The following CCSER1 variants were observed in gnomAD, a reference collection of about 807,000 sequenced individuals.
The protein encoded by CCSER1 is coiled-coil serine rich protein 1.
Under a neutral mutation model 82.0 loss-of-function variants are expected in CCSER1, and 41 were observed. The observed-to-expected ratio is 0.50, with a 90% CI of 0.39 to 0.65. The LOEUF (loss-of-function observed/expected upper bound fraction) is 0.65. Ranked by LOEUF, CCSER1 falls within the 30% of genes least tolerant of loss-of-function variation. The pLI, the probability that CCSER1 is intolerant of heterozygous loss-of-function variation, is 0.00. For synonymous variants in CCSER1, 414 were observed against 383.9 expected, an observed-to-expected ratio of 1.08 and a Z score of -0.92; for missense variants, 1,119 against 1,064.2, an observed-to-expected ratio of 1.05 and a Z score of -0.72.
chr4:90,893,027 A>G (rs922141535), intron 8 of CCSER1, among the ~76,000 whole-genome samples: 2 of 152,074 alleles, frequency 1.3e-5, no homozygotes, highest in Non-Finnish European at 2.9e-5. Context: ...GAGTACTACT[A>G]TTCTCAGGCA....
intron 9 of CCSER1, among the ~76,000 whole-genome samples, chr4:91,020,656 C>T (rs1422645190): frequency 2.0e-5 from 3 of 149,286 alleles, no homozygotes; most frequent in Non-Finnish European, 3.0e-5. Context: ...AGCGAGACTC[C>T]GTCTCAAAAA....
At chr4:90,274,034 A>G (rs928851397) in intron 1 of CCSER1, among the ~76,000 whole-genome samples, 1 of 152,234 alleles carries the variant, frequency 6.6e-6, no homozygotes, top group African/African-American at 2.4e-5. Flanking sequence ...AATTTTGCAT[A>G]TTTGAGTAAT....
intron 1 of CCSER1, among the ~76,000 whole-genome samples, chr4:90,241,972 T>A (rs1370625384): frequency 6.6e-6 from 1 of 152,096 alleles, no homozygotes. Flanking sequence ...AACCCTGAAT[T>A]TAAGATCTGT....
chr4:91,149,400 T>A (rs1019846331), intron 10 of CCSER1, among the ~76,000 whole-genome samples: 4 of 152,226 alleles, frequency 2.6e-5, no homozygotes, highest in African/African-American at 9.6e-5. Flanking sequence ...ATGGGTAGAT[T>A]GCAAAAATTT....
chr4:90,251,781 A>G (rs1722426990), intron 1 of CCSER1, among the ~76,000 whole-genome samples: 1 of 151,796 alleles, frequency 6.6e-6, no homozygotes, highest in Non-Finnish European at 1.5e-5. Context: ...ATCTGTTGGA[A>G]TGCAGTTGTT....
chr4:90,781,467 G>A (rs1753771214), intron 7 of CCSER1: 1 of 985,106 alleles, frequency 1.0e-6, no homozygotes, highest in Non-Finnish European at 1.2e-6. Context: ...TGAAATGATG[G>A]ACATAAAGCC....
At chr4:91,403,953 A>G (rs1484886586) in intron 10 of CCSER1, among the ~76,000 whole-genome samples, 2 of 152,146 alleles carry the variant, frequency 1.3e-5, no homozygotes, top group East Asian at 3.9e-4. Context: ...ACTCATTGGA[A>G]TAGTTTCAGA....
chr4:90,670,743 T>A (rs1204365949), intron 6 of CCSER1, among the ~76,000 whole-genome samples: 2 of 152,158 alleles, frequency 1.3e-5, no homozygotes, highest in African/African-American at 4.8e-5. Flanking sequence ...ATCATTAAAC[T>A]GTCACTGAGT....
chr4:91,406,137 T>TA (rs1431010968), intron 10 of CCSER1, among the ~76,000 whole-genome samples: 1 of 152,076 alleles, frequency 6.6e-6, no homozygotes, highest in African/African-American at 2.4e-5. Context: ...AATTGCATAA[T>TA]AAGAGTCAAG....
rs572791419 is a variant in CCSER1 at position 90,509,090 on chromosome 4, A to G, written c.1724+40736A>G. ...TCAGTCTCAGGTGGAAATCGCAATCATAGAAGAGTTTGGGAATTAATACGT... is the reference window on the plus strand; with the variant it reads ...TCAGTCTCAGGTGGAAATCGCAATCGTAGAAGAGTTTGGGAATTAATACGT... On this transcript the variant is annotated intron_variant, in intron 5 of 10. Coordinates refer to ENST00000509176, the MANE Select transcript of CCSER1 (RefSeq NM_001145065.2). Among the ~76,000 whole-genome samples the G allele has an allele frequency of 5.9e-5, 9 of 152,238 alleles. No individual in the cohort carries two copies. The South Asian group carries it at 8.3e-4, about 14-fold the overall frequency.
intron 10 of CCSER1, among the ~76,000 whole-genome samples, chr4:91,482,029 A>C (rs1198764034): frequency 1.3e-5 from 2 of 152,172 alleles, no homozygotes; most frequent in Non-Finnish European, 2.9e-5. Context: ...AATGCTCATC[A>C]TCACTGGCGA....
chr4:91,258,757 A>G (rs6844004), intron 10 of CCSER1, among the ~76,000 whole-genome samples: 33,198 of 152,008 alleles, frequency 0.22, 4,174 homozygotes, highest in East Asian at 0.34. Context: ...GCTTATTTTT[A>G]TAGACTTACT....
chr4:91,150,801 T>A (rs931911344), intron 10 of CCSER1, among the ~76,000 whole-genome samples: 1 of 152,232 alleles, frequency 6.6e-6, no homozygotes, highest in East Asian at 1.9e-4. Flanking sequence ...GAACCAGCCT[T>A]GCATCTCAGA....
chr4:91,403,315 T>G (rs1752467038), intron 10 of CCSER1, among the ~76,000 whole-genome samples: 1 of 152,200 alleles, frequency 6.6e-6, no homozygotes, highest in Non-Finnish European at 1.5e-5. Context: ...TGGGGTTTTC[T>G]AAATATACAA....
chr4:90,918,438 A>T (rs1418839960), intron 8 of CCSER1: 1 of 342,548 alleles, frequency 2.9e-6, no homozygotes, highest in Non-Finnish European at 5.7e-6. Flanking sequence ...GACATTAGAT[A>T]TCCCTAGTCA....
chr4:90,865,565 A>G (rs1765631748), intron 8 of CCSER1, among the ~76,000 whole-genome samples: 1 of 151,988 alleles, frequency 6.6e-6, no homozygotes, highest in Admixed American at 6.6e-5. Flanking sequence ...TATCTCACAC[A>G]CTAATTCAGG....
chr4:90,823,342 A>G (rs1350034820), intron 8 of CCSER1, among the ~76,000 whole-genome samples: 3 of 152,144 alleles, frequency 2.0e-5, no homozygotes, highest in Non-Finnish European at 4.4e-5. Flanking sequence ...AAGTTTAACT[A>G]GGAGATTTCA....
At chr4:91,038,287 A>T (rs1335682668) in intron 9 of CCSER1, among the ~76,000 whole-genome samples, 3 of 152,202 alleles carry the variant, frequency 2.0e-5, no homozygotes, top group African/African-American at 7.2e-5. Context: ...AGTATGAAAC[A>T]TTGCTAATTT....
At chr4:90,258,341 C>A (rs577221791) in intron 1 of CCSER1, among the ~76,000 whole-genome samples, 1 of 152,156 alleles carries the variant, frequency 6.6e-6, no homozygotes, top group South Asian at 2.1e-4. Flanking sequence ...GGTAACACCC[C>A]GTTTCTACTA....
Sources: allele counts gnomAD v4.1 joint callset (sites outside exome capture counted in the v4.1 genomes callset), GRCh38; gene constraint gnomAD v4.1.1; transcripts MANE v1.5; gene names NCBI Gene and HGNC (gene_info 2026-07-23, HGNC 2026-07-21).